C17orf114: variants seen among roughly 807,000 people sequenced by gnomAD.
C17orf114 encodes the protein chromosome 17 open reading frame 114.
upstream of C17orf114, among the ~76,000 whole-genome samples, chr17:4,805,603 G>C (rs971049872): frequency 6.6e-6 from 1 of 151,834 alleles, no homozygotes; most frequent in Non-Finnish European, 1.5e-5. Flanking sequence ...GAACCTGGAA[G>C]GGGGAGGTTG....
upstream of C17orf114, chr17:4,802,446 C>A (rs147260600): frequency 2.3e-5 from 9 of 395,818 alleles, no homozygotes; most frequent in Non-Finnish European, 1.3e-5. Flanking sequence ...TGATTACAGG[C>A]GCCAGGGATG....
At chr17:4,802,937 G>T (rs1191731270), upstream of C17orf114, among the ~76,000 whole-genome samples, 1 of 151,634 alleles carries the variant, frequency 6.6e-6, no homozygotes, top group Non-Finnish European at 1.5e-5. Flanking sequence ...TTTTTTTGGG[G>T]GACAGAGTCT....
upstream of C17orf114, among the ~76,000 whole-genome samples, chr17:4,805,058 ACAGGCAATCTTTTC>A (rs1348416949): frequency 2.0e-5 from 3 of 152,106 alleles, no homozygotes; most frequent in South Asian, 2.1e-4. Flanking sequence ...GTGTCCCTTT[ACAGGCAATCTTTTC>A]CCTACACCCT....
At chr17:4,803,234 G>A (rs1905555787), upstream of C17orf114, among the ~76,000 whole-genome samples, 2 of 150,918 alleles carry the variant, frequency 1.3e-5, no homozygotes, top group Non-Finnish European at 3.0e-5. Flanking sequence ...GATCTTTTGA[G>A]GTAAGTCCCT....
At chr17:4,802,489 G>A (rs1905538202), upstream of C17orf114, among the ~76,000 whole-genome samples, 1 of 152,194 alleles carries the variant, frequency 6.6e-6, no homozygotes, top group South Asian at 2.1e-4. Flanking sequence ...GAAAGGGGTG[G>A]GGGTACACTC....
chr17:4,804,904 T>A (rs1047909440), upstream of C17orf114, among the ~76,000 whole-genome samples: 1 of 152,068 alleles, frequency 6.6e-6, no homozygotes, highest in African/African-American at 2.4e-5. Flanking sequence ...TTCAATGAAC[T>A]TTATTGAAGC....
chr17:4,802,986 C>T (rs1168685685), upstream of C17orf114, among the ~76,000 whole-genome samples: 1 of 151,994 alleles, frequency 6.6e-6, no homozygotes, highest in Admixed American at 6.6e-5. Flanking sequence ...GGCGCAATCT[C>T]GGCTCACTGC....
upstream of C17orf114, among the ~76,000 whole-genome samples, chr17:4,803,732 T>C (rs1340650305): frequency 6.7e-6 from 1 of 149,658 alleles, no homozygotes; most frequent in Middle Eastern, 3.4e-3. Context: ...GGCCTTTTTT[T>C]AATTTTTGAG....
chr17:4,805,850 G>A (rs906563274), upstream of C17orf114, among the ~76,000 whole-genome samples: 2 of 149,674 alleles, frequency 1.3e-5, no homozygotes, highest in African/African-American at 4.9e-5. Context: ...CTACTCAGGA[G>A]GCTGAGGCAG....
At chr17:4,803,189 G>A (rs1905553738), upstream of C17orf114, among the ~76,000 whole-genome samples, 1 of 151,976 alleles carries the variant, frequency 6.6e-6, no homozygotes, top group African/African-American at 2.4e-5. Flanking sequence ...AAAGTGCTGG[G>A]ATTACAGGTG....
chr17:4,806,002 A>C (rs547087681), upstream of C17orf114, among the ~76,000 whole-genome samples: 1 of 152,356 alleles, frequency 6.6e-6, no homozygotes, highest in East Asian at 1.9e-4. Context: ...AATAAAAATA[A>C]AAATAAATAA....
chr17:4,802,736 T>C (rs565723663), upstream of C17orf114, among the ~76,000 whole-genome samples: 362 of 151,436 alleles, frequency 2.4e-3, no homozygotes, highest in African/African-American at 8.6e-3. Context: ...GATGTAAACT[T>C]TCAAAGAATA....
At chr17:4,806,580 C>T (rs973409991), upstream of C17orf114, among the ~76,000 whole-genome samples, 34 of 152,150 alleles carry the variant, frequency 2.2e-4, no homozygotes, top group Non-Finnish European at 3.4e-4. Context: ...ACGGAGTAAG[C>T]GCGCAATAAA....
chr17:4,802,249 G>T (rs1905531792), exon 1 of C17orf114: 3 of 399,742 alleles, frequency 7.5e-6, no homozygotes, highest in Non-Finnish European at 8.8e-6. Context: ...CTCCATACCT[G>T]CTCCTCTTTC....
At chr17:4,802,982 A>G (rs922391878), upstream of C17orf114, among the ~76,000 whole-genome samples, 1 of 151,940 alleles carries the variant, frequency 6.6e-6, no homozygotes, top group Non-Finnish European at 1.5e-5. Context: ...CAGTGGCGCA[A>G]TCTCGGCTCA....
At chr17:4,806,918 A>G (rs1905879314), upstream of C17orf114, 2 of 149,508 alleles carry the variant, frequency 1.3e-5, no homozygotes, top group African/African-American at 4.9e-5. Context: ...GACGCCGGGC[A>G]GCACTTACCC....
chr17:4,803,511 G>A (rs1165721533), upstream of C17orf114, among the ~76,000 whole-genome samples: 1 of 129,384 alleles, frequency 7.7e-6, no homozygotes, highest in African/African-American at 2.9e-5. Context: ...TGCAAACTCT[G>A]CCTCCCGGGT....
upstream of C17orf114, among the ~76,000 whole-genome samples, chr17:4,803,416 A>ATTTTTTTTTTTTTTTTT (rs34116712): frequency 1.3e-5 from 1 of 75,450 alleles, no homozygotes; most frequent in Non-Finnish European, 2.3e-5. Context: ...GTTTTTTTTA[A>ATTTTTTTTTTTTTTTTT]TTTTTTTTTT....
chr17:4,804,458 C>T (rs1905592599), upstream of C17orf114, among the ~76,000 whole-genome samples: 1 of 151,958 alleles, frequency 6.6e-6, no homozygotes, highest in Non-Finnish European at 1.5e-5. Flanking sequence ...CCCTCCTCAG[C>T]CTCGCAAAGT....
Sources: gnomAD v4.1 joint callset for allele counts (sites outside exome capture counted in the v4.1 genomes callset) on GRCh38, gnomAD v4.1.1 for gene constraint, MANE v1.5 for transcripts, NCBI Gene and HGNC (gene_info 2026-07-23, HGNC 2026-07-21) for gene names.